MEGF11: variants seen among roughly 807,000 people sequenced by gnomAD.
The protein encoded by MEGF11 is multiple EGF like domains 11.
Under a neutral mutation model 146.6 loss-of-function variants are expected in MEGF11, and 126 were observed. That is an observed-to-expected ratio of 0.86 (90% CI 0.74 to 1.00). MEGF11 has a LOEUF of 1.00. MEGF11 is among the 50% of genes least tolerant of loss of function. The probability of loss-of-function intolerance (pLI) is 0.00; values close to 1 mark genes in which losing one functional copy is unlikely to be tolerated. For synonymous variants in MEGF11, 532 were observed against 583.4 expected, an observed-to-expected ratio of 0.91 and a Z score of 1.27; for missense variants, 1,509 against 1,521.2, an observed-to-expected ratio of 0.99 and a Z score of 0.13.
chr15:66,116,899 A>G (rs968085942), intron 4 of MEGF11, among the ~76,000 whole-genome samples: 9 of 152,152 alleles, frequency 5.9e-5, no homozygotes, highest in Admixed American at 2.0e-4. Flanking sequence ...TAGGTTCGTG[A>G]AGAGACAAGC....
intron 1 of MEGF11, among the ~76,000 whole-genome samples, chr15:66,146,652 G>A (rs1220325319): frequency 3.3e-5 from 5 of 152,358 alleles, no homozygotes; most frequent in East Asian, 3.9e-4. Context: ...TGTTGGATCC[G>A]TGTCAAGTTG....
chr15:65,987,747 G>T (rs1272530833), intron 5 of MEGF11, among the ~76,000 whole-genome samples: 1 of 152,038 alleles, frequency 6.6e-6, no homozygotes, highest in Non-Finnish European at 1.5e-5. Context: ...GTCTTACTCT[G>T]TCACCCAGGC....
chr15:66,095,342 G>A (rs962251165), intron 4 of MEGF11, among the ~76,000 whole-genome samples: 3 of 152,230 alleles, frequency 2.0e-5, no homozygotes, highest in Non-Finnish European at 4.4e-5. Context: ...AAGGATTACA[G>A]AAAGCCCCCA....
At chr15:66,052,679 C>T (rs1018047052) in intron 5 of MEGF11, among the ~76,000 whole-genome samples, 4 of 152,156 alleles carry the variant, frequency 2.6e-5, no homozygotes, top group African/African-American at 4.8e-5. Flanking sequence ...GGCCAACTCC[C>T]GAAACTACCA....
chr15:66,061,943 A>T lies in MEGF11; in HGVS notation c.394+32459T>A, dbSNP rs533356072. On this transcript the variant is annotated intron_variant, in intron 5 of 25. Transcript: ENST00000395614. ...CACCACCACACTTGGCTAATTTAAA[A>T]TTTTTTTGTAGAGACAGTCTTGCCC... Among the ~76,000 whole-genome samples the T allele has an allele frequency of 1.1e-4, 16 of 152,184 alleles. No individual in the cohort carries two copies. The East Asian group carries it at 3.1e-3, about 29-fold the overall frequency.
At chr15:65,989,632 A>T (rs971264098) in intron 5 of MEGF11, among the ~76,000 whole-genome samples, 1 of 152,220 alleles carries the variant, frequency 6.6e-6, no homozygotes. Context: ...GTAAAAGCAA[A>T]GTCAAGTTCT....
At chr15:66,236,883 C>T (rs1433856846) in intron 1 of MEGF11, among the ~76,000 whole-genome samples, 1 of 152,136 alleles carries the variant, frequency 6.6e-6, no homozygotes. Context: ...GCTGTAACAC[C>T]CCGGGAAGAA....
Position 66,045,796 on chromosome 15 carries a change from T to G in MEGF11, c.394+48606A>C, listed in dbSNP as rs572263405. Among the ~76,000 whole-genome samples the G allele has an allele frequency of 2.6e-5, 4 of 152,210 alleles. No homozygotes were observed. In the East Asian group the frequency reaches 7.8e-4, roughly 30 times the overall value. On this transcript the variant is annotated intron_variant, in intron 5 of 25. Transcript: ENST00000395614. ...TCTCATTTGAGCCTCCCTACAACCC[T>G]GTGCAATAAAGATGACTGTATCCTG...
At chr15:65,977,123 C>T (rs12906642) in intron 7 of MEGF11, among the ~76,000 whole-genome samples, 2 of 138,222 alleles carry the variant, frequency 1.4e-5, no homozygotes, top group Admixed American at 8.1e-5. Flanking sequence ...GAGCCGAGAT[C>T]GTGCCACTGC....
intron 5 of MEGF11, among the ~76,000 whole-genome samples, chr15:65,990,582 GGAAA>G (rs1477305066): frequency 2.3e-4 from 28 of 123,184 alleles, no homozygotes; most frequent in Non-Finnish European, 4.0e-4. Context: ...AGGGAAGAAA[GGAAA>G]GAAAGAAAGA....
Position 66,072,396 on chromosome 15 carries a change from T to C in MEGF11, c.394+22006A>G, listed in dbSNP as rs1840829409. Among the ~76,000 whole-genome samples the C allele has an allele frequency of 2.0e-5, 3 of 152,166 alleles. No individual in the cohort carries two copies. The South Asian group carries it at 6.2e-4, about 32-fold the overall frequency. On this transcript the variant is annotated intron_variant, in intron 5 of 25. Transcript: ENST00000395614. ...ACCCCACCTCACACACTTTAACCCA[T>C]CACGCCCTTTTATTTTCTTCTTAGC...
chr15:66,117,387 A>ATAAGGAG (rs1448139109), intron 4 of MEGF11, among the ~76,000 whole-genome samples: 2 of 152,182 alleles, frequency 1.3e-5, no homozygotes, highest in Non-Finnish European at 2.9e-5. Flanking sequence ...CAGTGGTTAC[A>ATAAGGAG]TAAGGAGTAA....
intron 1 of MEGF11, among the ~76,000 whole-genome samples, chr15:66,163,402 C>T (rs2090008574): frequency 6.6e-6 from 1 of 152,108 alleles, no homozygotes; most frequent in African/African-American, 2.4e-5. Flanking sequence ...GAAGAAAGGG[C>T]TTGTGAACTG....
At chr15:66,066,631 A>T (rs1260019014) in intron 5 of MEGF11, among the ~76,000 whole-genome samples, 1 of 152,148 alleles carries the variant, frequency 6.6e-6, no homozygotes, top group Non-Finnish European at 1.5e-5. Context: ...CACTGTGGTC[A>T]CACCAAGCTC....
intron 1 of MEGF11, among the ~76,000 whole-genome samples, chr15:66,149,284 CCAGA>C (rs1416516670): frequency 6.6e-6 from 1 of 152,184 alleles, no homozygotes. Flanking sequence ...AGTCATAACC[CCAGA>C]CAGTCTAGAT....
intron 5 of MEGF11, among the ~76,000 whole-genome samples, chr15:65,997,415 C>T (rs2082233980): frequency 6.6e-6 from 1 of 152,136 alleles, no homozygotes; most frequent in Admixed American, 6.5e-5. Context: ...ATGGTCCTGT[C>T]CTGGAACTCA....
intron 5 of MEGF11, among the ~76,000 whole-genome samples, chr15:65,986,562 C>A (rs1379936520): frequency 6.6e-6 from 1 of 152,128 alleles, no homozygotes; most frequent in African/African-American, 2.4e-5. Context: ...TAAAACACCT[C>A]ATTCTCCAGC....
At position 66,123,990 on chromosome 15, in the gene MEGF11, T is replaced by G; in HGVS notation, c.109A>C (p.Thr37Pro). 6.2e-7 allele frequency: 1 copy of G among 1,613,680 alleles called. No individual in the cohort carries two copies. The highest frequency in any genetic ancestry group is 8.5e-7 in the Non-Finnish European group (1 of 1,179,628). ...VCSHWESYAVTVQESYAHPFD... is the reference protein window; with the variant it reads ...VCSHWESYAVPVQESYAHPFD... ...GGGTGTGCATACGATTCCTGGACAGTCACAGCATAGCTGAGAACCAGATGG... is the reference window on the plus strand; with the variant it reads ...GGGTGTGCATACGATTCCTGGACAGGCACAGCATAGCTGAGAACCAGATGG... The change falls in exon 3 of 26, where the codon ACT becomes CCT. Residue 37 changes from threonine to proline, a missense_variant. Thr to Pro is a conservative substitution (Grantham distance 38). Coordinates refer to ENST00000395614, the MANE Select transcript of MEGF11 (RefSeq NM_001385028.1).
rs533698097 is a variant in MEGF11 at position 65,919,809 on chromosome 15, A to G, written c.1958-1715T>C. On this transcript the variant is annotated intron_variant, in intron 15 of 25. Coordinates refer to ENST00000395614, the MANE Select transcript of MEGF11 (RefSeq NM_001385028.1). ...TAATTTTTGTATTTTTAGTAGAAACAGGGTTTCACCATGTTGGCCAGGCTG... is the reference window on the plus strand; with the variant it reads ...TAATTTTTGTATTTTTAGTAGAAACGGGGTTTCACCATGTTGGCCAGGCTG... 5.1e-4 allele frequency among the ~76,000 whole-genome samples: 77 copies of G among 152,276 alleles called. 1 individual carries two copies. Among genetic ancestry groups the G allele is most frequent in the Middle Eastern group, 3.4e-3 (1 of 294 alleles).
Sources: allele counts gnomAD v4.1 joint callset (sites outside exome capture counted in the v4.1 genomes callset), GRCh38; gene constraint gnomAD v4.1.1; transcripts MANE v1.5; gene names NCBI Gene and HGNC (gene_info 2026-07-23, HGNC 2026-07-21).